IKZF5: variants seen among roughly 807,000 people sequenced by gnomAD.
IKZF5 encodes the protein zinc finger protein Pegasus.
In IKZF5, 4 loss-of-function variants were observed where a neutral mutation model predicts 30.7. The ratio of observed to expected loss-of-function variants is 0.13; its 90% CI spans 0.06 to 0.30. IKZF5 has a LOEUF of 0.30. Among genes scored for constraint, IKZF5 ranks in the 10% least tolerant of loss-of-function variants. The pLI is 1.00. For synonymous variants in IKZF5, 148 were observed against 179.6 expected, an observed-to-expected ratio of 0.82 and a Z score of 1.41; for missense variants, 348 against 525.5, an observed-to-expected ratio of 0.66 and a Z score of 3.30.
chr10:122,994,075 C>G lies in IKZF5; in HGVS notation c.965G>C (p.Arg322Thr). ...TGGACCTGCCACTGGACTATAGTTC[C>G]TTTGACTATGGGATGGCCGAGGTTC... ...SPEPRPSHSQ[R>T]NYSPVAGPSS... Residue 322 changes from arginine (R) to threonine (T), a missense_variant, in exon 5 of 5, where the codon AGG becomes ACG. This residue lies in a region of IKZF5 where 176 missense variants were observed against 198.2 expected (regional missense o/e 0.89). Transcript: ENST00000368886. This position sits in a 1 kb window ranked among gnomAD's most constrained non-coding sequence, Gnocchi z 5.6. 2 of 1,614,100 alleles carry G rather than the reference C, an allele frequency of 1.2e-6. No individual in the cohort carries two copies. The highest frequency in any genetic ancestry group is 2.2e-5 in the South Asian group (2 of 91,082).
rs1849243869 is a variant in IKZF5 at position 122,993,625 on chromosome 10, A to C, written c.*155T>G. On this transcript the variant is annotated 3_prime_UTR_variant, in exon 5 of 5. Coordinates refer to ENST00000368886, the MANE Select transcript of IKZF5 (RefSeq NM_001372123.1). ...CCCTGACCAGATTTTTATGAAAAAA[A>C]GGGGAAATTTTATTCCACTGACAAA... The C allele has an allele frequency of 2.0e-6, 1 of 509,012 alleles. No homozygotes were observed. The highest frequency in any genetic ancestry group is 3.4e-6 in the Non-Finnish European group (1 of 295,238). The allele number at this position is 509,012 out of a possible 1,614,324, so 31.5% of individuals were successfully genotyped here. A position where few individuals can be genotyped will look rare whatever the true frequency, so the allele number is the denominator to read the frequency against.
Position 123,008,793 on chromosome 10 carries a change from T to C in IKZF5, c.-297A>G. 1.6e-6 allele frequency: 1 copy of C among 613,786 alleles called. No individual in the cohort carries two copies. Among genetic ancestry groups the C allele is most frequent in the Admixed American group, 2.8e-5 (1 of 36,102 alleles). The allele number at this position is 613,786 out of a possible 1,614,324, so 38.0% of individuals were successfully genotyped here. A position where few individuals can be genotyped will look rare whatever the true frequency, so the allele number is the denominator to read the frequency against. On this transcript the variant is annotated 5_prime_UTR_variant, in exon 1 of 5. Transcript: ENST00000368886. ...TCACAGTCGCCGCCGCCATCTTTGT[T>C]GTGTCTCCGACTCCCTTCCCGCCCC...
At chr10:123,000,437 G>T (rs913925795) in intron 2 of IKZF5, among the ~76,000 whole-genome samples, 2 of 152,184 alleles carry the variant, frequency 1.3e-5, no homozygotes, top group Non-Finnish European at 2.9e-5. Flanking sequence ...TCTGTTGTAT[G>T]ACCATGCCAC....
At chr10:122,996,291 T>G in intron 3 of IKZF5, 115 bp from the exon 4 acceptor site, 1 of 822,170 alleles carries the variant, frequency 1.2e-6, no homozygotes, top group Non-Finnish European at 1.9e-6. Context: ...CTCACAAAAG[T>G]TAAGTCCATT....
intron 4 of IKZF5, 143 bp downstream of exon 4, chr10:122,995,851 T>G (rs930353310): frequency 1.4e-6 from 1 of 716,552 alleles, no homozygotes; most frequent in Admixed American, 2.8e-5. Context: ...CTTTGAAAAA[T>G]GGAGTAACTT....
Position 122,994,247 on chromosome 10 carries a change from G to C in IKZF5, c.793C>G (p.Leu265Val), listed in dbSNP as rs1202384442. Residue 265 changes from leucine (L) to valine (V), a missense_variant, in exon 5 of 5, where the codon CTG becomes GTG. Transcript: ENST00000368886. The surrounding 1 kb of genome is among the most constrained non-coding windows in gnomAD (Gnocchi z 5.6). Reference sequence around the variant, plus strand: ...GCAGGGTTTTGGTTTTCGGGTGGCAGACTGGACAACTGCCCTGCTAGAGTC... The same window carrying C: ...GCAGGGTTTTGGTTTTCGGGTGGCACACTGGACAACTGCCCTGCTAGAGTC... Reference protein sequence around the residue: ...LSTLAGQLSSLPPENQNPASP... With the variant: ...LSTLAGQLSSVPPENQNPASP... The C allele has an allele frequency of 6.2e-7, 1 of 1,613,994 alleles. No individual in the cohort carries two copies. Among genetic ancestry groups the C allele is most frequent in the African/African-American group, 1.3e-5 (1 of 74,910 alleles).
At chr10:123,001,446 A>G (rs1168402366) in intron 2 of IKZF5, among the ~76,000 whole-genome samples, 2 of 152,034 alleles carry the variant, frequency 1.3e-5, no homozygotes, top group African/African-American at 4.8e-5. Flanking sequence ...ATGTTCTCCT[A>G]TACTTTCTTC....
chr10:123,004,885 C>CAT (rs1321324850), intron 2 of IKZF5, among the ~76,000 whole-genome samples: 1 of 152,084 alleles, frequency 6.6e-6, no homozygotes, highest in South Asian at 2.1e-4. Context: ...ATAGTAGAGA[C>CAT]ATATATGAAT....
chr10:122,993,936 G>A lies in IKZF5; in HGVS notation c.1104C>T (p.His368=), dbSNP rs1467054052. 6 of 1,614,166 alleles carry A rather than the reference G, an allele frequency of 3.7e-6. No individual in the cohort carries two copies. Among genetic ancestry groups the A allele is most frequent in the East Asian group, 4.5e-5 (2 of 44,876 alleles). Residue 368 remains histidine, a synonymous_variant, in exon 5 of 5, where the codon CAC becomes CAT. Transcript: ENST00000368886. ...TGTTGTCTGCAAAGTACATATCACA[G>A]TGCTGGCAGTGGTGCAGAAGCTGAG... The part of the protein sequence containing the change: ...QDPQLLHHCQ[H]CDMYFADNIL...
In IKZF5 at chr10:122,993,580, C is replaced by T. The variant is rs1264812287; in HGVS notation, c.*200G>A. On this transcript the variant is annotated 3_prime_UTR_variant, in exon 5 of 5. Transcript: ENST00000368886. ...AAAAAAGAGACACCAATGTGTCTAA[C>T]TGTTCTAATATATAAATGACCCTGA... 9.6e-6 allele frequency: 4 copies of T among 416,016 alleles called. No individual in the cohort carries two copies. The highest frequency in any genetic ancestry group is 3.8e-5 in the East Asian group (1 of 26,220). The allele number at this position is 416,016 out of a possible 1,614,324, so 25.8% of individuals were successfully genotyped here. A position where few individuals can be genotyped will look rare whatever the true frequency, so the allele number is the denominator to read the frequency against.
At chr10:123,000,042 T>G (rs1849525053) in intron 2 of IKZF5, among the ~76,000 whole-genome samples, 1 of 152,248 alleles carries the variant, frequency 6.6e-6, no homozygotes, top group Non-Finnish European at 1.5e-5. Flanking sequence ...AAAAAATTAC[T>G]CACTTTCAGC....
In IKZF5 at chr10:122,998,592, C is replaced by A. The variant is rs1029063246; in HGVS notation, c.34G>T (p.Val12Leu). The A allele has an allele frequency of 1.2e-6, 2 of 1,613,608 alleles. No individual in the cohort carries two copies. The highest frequency in any genetic ancestry group is 1.7e-6 in the Non-Finnish European group (2 of 1,179,694). The change falls in exon 3 of 5, where the codon GTG (valine) becomes TTG (leucine). Residue 12 changes from valine to leucine, a missense_variant. Transcript: ENST00000368886. ...GEKKPEPLDF[V>L]KDFQEYLTQQ... ...GTCAGGTATTCCTGAAAATCTTTCA[C>A]GAAGTCCAAAGGCTCTGGTTTTTTT...
At chr10:123,001,063 G>A (rs1849565670) in intron 2 of IKZF5, among the ~76,000 whole-genome samples, 1 of 150,866 alleles carries the variant, frequency 6.6e-6, no homozygotes, top group African/African-American at 2.4e-5. Flanking sequence ...AGGCTGGGGT[G>A]CAGTGCCGTG....
In IKZF5 at chr10:122,992,015, A is replaced by T. The variant is rs770811780; in HGVS notation, c.*1765T>A. The T allele has an allele frequency of 2.6e-5, 4 of 152,230 alleles. No homozygotes were observed. The highest frequency in any genetic ancestry group is 4.4e-5 in the Non-Finnish European group (3 of 68,020). 9.4% of individuals were successfully genotyped at this position (152,230 alleles called of 1,614,324 possible). On this transcript the variant is annotated 3_prime_UTR_variant, in exon 5 of 5. Transcript: ENST00000368886. ...TTCTTTCTGGCAACTGATAAATACTAAAGCCAAGTTACACACTTGGAAACT... is the reference window on the plus strand; with the variant it reads ...TTCTTTCTGGCAACTGATAAATACTTAAGCCAAGTTACACACTTGGAAACT...
chr10:122,998,383 A>G (rs1849463142), intron 3 of IKZF5, 110 bp downstream of exon 3: 2 of 931,028 alleles, frequency 2.1e-6, no homozygotes, highest in African/African-American at 1.7e-5. Flanking sequence ...CTTTCTAGAA[A>G]AAACAGAATG....
chr10:122,994,355 T>C lies in IKZF5; in HGVS notation c.685A>G (p.Ser229Gly). The C allele has an allele frequency of 6.2e-7, 1 of 1,614,116 alleles. No homozygotes were observed. ...CCAGTTGGTGTGGTTTTTGCCATAC[T>C]TTCATAGGAGTCAGTCTGGATATTT... ...IPNIQTDSYE[S>G]MAKTTPTGGL... Residue 229 changes from serine to glycine, a missense_variant, in exon 5 of 5, where the codon AGT becomes GGT. Ser to Gly is a moderately conservative substitution (Grantham distance 56). This residue lies in a region of IKZF5 where 176 missense variants were observed against 198.2 expected (regional missense o/e 0.89). Transcript: ENST00000368886. The surrounding 1 kb of genome is among the most constrained non-coding windows in gnomAD (Gnocchi z 5.6).
At chr10:123,004,300 T>C (rs901563794) in intron 2 of IKZF5, among the ~76,000 whole-genome samples, 14 of 152,310 alleles carry the variant, frequency 9.2e-5, no homozygotes, top group African/African-American at 1.4e-4. Flanking sequence ...ATGAAAACTA[T>C]ACATTTCTCC....
Position 122,993,703 on chromosome 10 carries a change from A to T in IKZF5, c.*77T>A. 1 of 874,928 alleles carries T rather than the reference A, an allele frequency of 1.1e-6. No individual in the cohort carries two copies. Among genetic ancestry groups the T allele is most frequent in the Non-Finnish European group, 1.8e-6 (1 of 560,096 alleles). 54.2% of individuals were successfully genotyped at this position (874,928 alleles called of 1,614,324 possible). ...GCCTTGAATTAGCAGACACTTTATTAGGGATGACCAAAACAAAAAACAAAA... is the reference window on the plus strand; with the variant it reads ...GCCTTGAATTAGCAGACACTTTATTTGGGATGACCAAAACAAAAAACAAAA... On this transcript the variant is annotated 3_prime_UTR_variant, in exon 5 of 5. Coordinates refer to ENST00000368886, the MANE Select transcript of IKZF5 (RefSeq NM_001372123.1).
At chr10:123,003,405 A>C (rs369802607) in intron 2 of IKZF5, among the ~76,000 whole-genome samples, 40 of 152,292 alleles carry the variant, frequency 2.6e-4, no homozygotes, top group African/African-American at 9.6e-4. Context: ...GGACTGGAGC[A>C]CCCGCAAATT....
Sources: gnomAD v4.1 joint callset for allele counts (sites outside exome capture counted in the v4.1 genomes callset) on GRCh38, gnomAD v4.1.1 for gene constraint, gnomAD v4.1.1 regional missense constraint, Gnocchi (gnomAD v3.1) non-coding constraint, MANE v1.5 for transcripts, NCBI Gene and HGNC (gene_info 2026-07-23, HGNC 2026-07-21) for gene names.